ZYG11B: variants seen among roughly 807,000 people sequenced by gnomAD.
ZYG11B encodes zyg-11 family member B, cell cycle regulator.
Under a neutral mutation model 82.4 loss-of-function variants are expected in ZYG11B, and 36 were observed. That is an observed-to-expected ratio of 0.44 (90% CI 0.33 to 0.58). The LOEUF is 0.58. Ranked by LOEUF, ZYG11B falls within the 20% of genes least tolerant of loss-of-function variation. The pLI is 0.02. For synonymous variants in ZYG11B, 303 were observed against 312.8 expected (o/e 0.97, Z 0.33); for missense variants, 552 against 895.6 (o/e 0.62, Z 4.90).
intron 3 of ZYG11B, among the ~76,000 whole-genome samples, chr1:52,775,311 G>T (rs1644794840): frequency 6.6e-6 from 1 of 152,044 alleles, no homozygotes; most frequent in African/African-American, 2.4e-5. Flanking sequence ...ATGTTTTTTG[G>T]CCAGGCGTGG....
chr1:52,780,146 G>A lies in ZYG11B; in HGVS notation c.1092+153G>A, dbSNP rs530708589. Among the ~76,000 whole-genome samples the A allele has an allele frequency of 9.2e-5, 14 of 152,234 alleles. No individual in the cohort carries two copies. In the East Asian group the frequency reaches 2.7e-3, roughly 29 times the overall value. ...GATTTCAATCATTAGCTATAAACGA[G>A]AGAGAAGATAGTTGTACAATGTTAT... On this transcript the variant is annotated intron_variant, in intron 4 of 13. Coordinates refer to ENST00000294353, the MANE Select transcript of ZYG11B (RefSeq NM_024646.3).
At chr1:52,797,003 A>ATTTATAT in intron 8 of ZYG11B, among the ~76,000 whole-genome samples, 1 of 52,688 alleles carries the variant, frequency 1.9e-5, no homozygotes, top group Admixed American at 3.6e-4. Flanking sequence ...ATATAAATAT[A>ATTTATAT]TTATATATTT....
intron 10 of ZYG11B, among the ~76,000 whole-genome samples, chr1:52,806,776 GT>G (rs1217334694): frequency 6.6e-6 from 1 of 151,214 alleles, no homozygotes; most frequent in Non-Finnish European, 1.5e-5. Flanking sequence ...GAAAATATCT[GT>G]TTTTTATTTG....
intron 7 of ZYG11B, 94 bp downstream of exon 7, chr1:52,796,485 T>A: frequency 9.1e-7 from 1 of 1,102,160 alleles, no homozygotes; most frequent in Non-Finnish European, 1.3e-6. Flanking sequence ...GAAACATTAG[T>A]AAATCTCTCT....
In ZYG11B at chr1:52,824,947, G is replaced by A. The variant is rs1368546112; in HGVS notation, c.*3318G>A. 1 of 151,946 alleles carries A rather than the reference G, an allele frequency of 6.6e-6. No individual in the cohort carries two copies. Among genetic ancestry groups the A allele is most frequent in the African/African-American group, 2.4e-5 (1 of 41,352 alleles). 9.4% of individuals were successfully genotyped at this position (151,946 alleles called of 1,614,324 possible). On this transcript the variant is annotated 3_prime_UTR_variant, in exon 14 of 14. Coordinates refer to ENST00000294353, the MANE Select transcript of ZYG11B (RefSeq NM_024646.3). Reference sequence around the variant, plus strand: ...CTGTTTCAAGCACAATTTAGACTAGGGTTGAACCACTCATTGTTCAAATCA... The same window carrying A: ...CTGTTTCAAGCACAATTTAGACTAGAGTTGAACCACTCATTGTTCAAATCA...
At chr1:52,786,118 TACC>T (rs1462786154) in intron 5 of ZYG11B, among the ~76,000 whole-genome samples, 2 of 152,310 alleles carry the variant, frequency 1.3e-5, no homozygotes, top group East Asian at 3.9e-4. Context: ...ATAAAAAACA[TACC>T]ATTATTTTAG....
intron 13 of ZYG11B, 157 bp downstream of exon 13, chr1:52,816,786 T>C: frequency 1.9e-6 from 1 of 524,400 alleles, no homozygotes; most frequent in Non-Finnish European, 3.3e-6. Flanking sequence ...TATTCTTTTT[T>C]TTTTTTTTTT....
intron 3 of ZYG11B, 28 bp from the exon 4 acceptor site, chr1:52,779,825 C>G (rs774939807): frequency 2.5e-6 from 4 of 1,609,776 alleles, no homozygotes; most frequent in Non-Finnish European, 3.4e-6. Context: ...AGAGAGAATT[C>G]TAAAAGCTAA....
In ZYG11B at chr1:52,771,077, G is replaced by A. The variant is rs756814397; in HGVS notation, c.254G>A (p.Arg85Gln). 3.2e-5 allele frequency: 52 copies of A among 1,614,036 alleles called. No homozygotes were observed. The highest frequency in any genetic ancestry group is 3.8e-5 in the Non-Finnish European group (45 of 1,180,050). ...AGGGGCAACCAGATGCGCTTAAAGC[G>A]AGCCTGCATTCGCAAAGCAAAGATC... is the stretch of plus-strand genomic sequence containing the variant. ...IFRGNQMRLK[R>Q]ACIRKAKISA... is the part of the protein sequence containing the mutation. The change falls in exon 3 of 14, where the codon CGA (arginine) becomes CAA (glutamine). Residue 85 changes from arginine to glutamine, a missense_variant. Arg to Gln is a conservative substitution (Grantham distance 43, BLOSUM62 1). Coordinates refer to ENST00000294353, the MANE Select transcript of ZYG11B (RefSeq NM_024646.3). This position sits in a 1 kb window ranked among gnomAD's most constrained non-coding sequence, Gnocchi z 5.4.
At chr1:52,779,809 A>G (rs1558131215) in intron 3 of ZYG11B, 44 bp from the exon 4 acceptor site, 1 of 1,608,386 alleles carries the variant, frequency 6.2e-7, no homozygotes, top group Non-Finnish European at 8.5e-7. Flanking sequence ...AATTAGATAG[A>G]GAAAGAGAGA....
chr1:52,756,062 T>C (rs1644573710), intron 1 of ZYG11B, among the ~76,000 whole-genome samples: 1 of 152,172 alleles, frequency 6.6e-6, no homozygotes, highest in African/African-American at 2.4e-5. Flanking sequence ...GGCCCTACCC[T>C]ATTTTTAAAA....
chr1:52,816,404 T>A (rs1645224147), intron 12 of ZYG11B, 128 bp from the exon 13 acceptor site: 2 of 644,178 alleles, frequency 3.1e-6, no homozygotes, highest in Non-Finnish European at 5.5e-6. Flanking sequence ...TGATATTCTA[T>A]AGCTCATTTA....
chr1:52,803,157 CAT>C lies in ZYG11B; in HGVS notation c.1695+1028_1695+1029del, dbSNP rs1167719162. On this transcript the variant is annotated intron_variant, in intron 10 of 13. Transcript: ENST00000294353. ...ATACACACATATATATATATATACA[CAT>C]ATATATATACACACATATATATATA... Among the ~76,000 whole-genome samples the C allele has an allele frequency of 4.6e-3, 198 of 42,820 alleles. 12 individuals carry two copies. The highest frequency in any genetic ancestry group is 0.011 in the African/African-American group (111 of 9,992). The allele number at this position is 42,820 out of a possible 152,430, so 28.1% of individuals were successfully genotyped here.
In ZYG11B at chr1:52,801,999, C is replaced by T; in HGVS notation, c.1647+19C>T. ...TCTAGAGGTTAGAATGGGAATTTAG[C>T]TTACAGTTTTGATATTTATTAATTT... On this transcript the variant is annotated intron_variant, in intron 9 of 13. Coordinates refer to ENST00000294353, the MANE Select transcript of ZYG11B (RefSeq NM_024646.3). 1.3e-6 allele frequency: 2 copies of T among 1,592,300 alleles called. No individual in the cohort carries two copies. The highest frequency in any genetic ancestry group is 2.2e-5 in the East Asian group (1 of 44,702).
chr1:52,817,799 A>ATG (rs1645244076), intron 13 of ZYG11B, among the ~76,000 whole-genome samples: 5 of 47,666 alleles, frequency 1.0e-4, no homozygotes, highest in African/African-American at 1.5e-4. Flanking sequence ...ATATATATAT[A>ATG]TATATATATA....
At chr1:52,779,331 G>A (rs1405166717) in intron 3 of ZYG11B, among the ~76,000 whole-genome samples, 7 of 152,072 alleles carry the variant, frequency 4.6e-5, no homozygotes, top group Admixed American at 2.0e-4. Context: ...AGAAAATTTC[G>A]CCCATGGTCT....
chr1:52,727,906 A>G (rs1206258214), intron 1 of ZYG11B, among the ~76,000 whole-genome samples: 2 of 152,130 alleles, frequency 1.3e-5, no homozygotes, highest in African/African-American at 2.4e-5. Flanking sequence ...CCTGATAATT[A>G]TGTTCCCCTA....
At chr1:52,781,085 G>A (rs1355479221) in intron 4 of ZYG11B, among the ~76,000 whole-genome samples, 4 of 152,130 alleles carry the variant, frequency 2.6e-5, no homozygotes, top group African/African-American at 4.8e-5. Context: ...ACAGTGAGCC[G>A]AGATCGTGCC....
intron 1 of ZYG11B, among the ~76,000 whole-genome samples, chr1:52,746,914 C>T (rs1220486766): frequency 2.7e-5 from 4 of 150,132 alleles, no homozygotes; most frequent in African/African-American, 7.3e-5. Context: ...CTTTACTCCC[C>T]CCTCCATCCT....
Sources: allele counts gnomAD v4.1 joint callset (sites outside exome capture counted in the v4.1 genomes callset), GRCh38; gene constraint gnomAD v4.1.1; non-coding constraint Gnocchi (gnomAD v3.1); transcripts MANE v1.5; gene names NCBI Gene and HGNC (gene_info 2026-07-23, HGNC 2026-07-21).